The following CFAP54 variants were observed in gnomAD, a reference collection of about 807,000 sequenced individuals.
The protein encoded by CFAP54 is cilia and flagella associated protein 54, also known as cilia- and flagella-associated protein 54.
Under a neutral mutation model 370.4 loss-of-function variants are expected in CFAP54, and 290 were observed. That is an observed-to-expected ratio of 0.78 (90% confidence interval 0.71 to 0.86). The LOEUF (loss-of-function observed/expected upper bound fraction) is 0.86, where lower values mean the gene tolerates loss of function less well. Ranked by LOEUF, CFAP54 falls within the 40% of genes least tolerant of loss-of-function variation. The pLI, the probability that CFAP54 is intolerant of heterozygous loss-of-function variation, is 0.00. For synonymous variants in CFAP54, 1,206 were observed against 1,236.5 expected, an observed-to-expected ratio of 0.98 and a Z score of 0.52; for missense variants, 3,399 against 3,528.7, an observed-to-expected ratio of 0.96 and a Z score of 0.93.
intron 60 of CFAP54, among the ~76,000 whole-genome samples, chr12:96,767,092 A>G (rs1958408558): frequency 6.6e-6 from 1 of 152,220 alleles, no homozygotes; most frequent in South Asian, 2.1e-4. Context: ...ATCCCATCCC[A>G]TTGGCCACAG....
intron 62 of CFAP54, among the ~76,000 whole-genome samples, chr12:96,791,184 C>CTTTT (rs369132463): frequency 7.6e-6 from 1 of 131,426 alleles, no homozygotes; most frequent in Non-Finnish European, 1.6e-5. Context: ...TTGAAGAACG[C>CTTTT]TTTTTTTTTT....
intron 39 of CFAP54, among the ~76,000 whole-genome samples, chr12:96,673,984 T>A (rs763969006): frequency 2.6e-5 from 4 of 152,230 alleles, no homozygotes; most frequent in Admixed American, 6.5e-5. Context: ...TATGGGTGAG[T>A]AACTTGCCTG....
Position 96,644,253 on chromosome 12 carries a change from T to C in CFAP54, c.4392T>C (p.Tyr1464=), listed in dbSNP as rs1327977644. 2.6e-6 allele frequency: 4 copies of C among 1,535,798 alleles called. No homozygotes were observed. In the African/African-American group the frequency reaches 4.1e-5, roughly 16 times the overall value. ...ACTTGAATCCTCTAATATTAAGTTA[T>C]GTTAAAAGAAAGAGGTTCCATCGTC... The part of the protein sequence containing the change: ...MDYLNPLILS[Y]VKRKRFHRLS... Residue 1464 remains tyrosine (Y), a synonymous_variant, in exon 33 of 68, where the codon TAT becomes TAC. Transcript: ENST00000524981.
chr12:96,618,819 A>AC (rs1371009977), intron 26 of CFAP54, among the ~76,000 whole-genome samples: 1 of 151,562 alleles, frequency 6.6e-6, no homozygotes, highest in Non-Finnish European at 1.5e-5. Flanking sequence ...CAGGACCCCC[A>AC]CCCCCTTCTT....
chr12:96,665,947 A>G (rs1957075109), intron 39 of CFAP54, among the ~76,000 whole-genome samples: 1 of 152,200 alleles, frequency 6.6e-6, no homozygotes, highest in African/African-American at 2.4e-5. Flanking sequence ...CTTCCTATCC[A>G]TGAACATGGA....
At chr12:96,640,883 C>T (rs1470294818) in intron 32 of CFAP54, among the ~76,000 whole-genome samples, 1 of 151,926 alleles carries the variant, frequency 6.6e-6, no homozygotes, top group Non-Finnish European at 1.5e-5. Context: ...ATGTAGAAAG[C>T]TGAAACTGGA....
At chr12:96,683,350 A>T (rs770101823) in intron 40 of CFAP54, among the ~76,000 whole-genome samples, 11 of 152,248 alleles carry the variant, frequency 7.2e-5, no homozygotes, top group Non-Finnish European at 1.3e-4. Flanking sequence ...TACTATCAAC[A>T]TGGTTAAGTT....
chr12:96,625,108 A>G (rs1271204862), intron 28 of CFAP54, among the ~76,000 whole-genome samples: 1 of 152,228 alleles, frequency 6.6e-6, no homozygotes, highest in African/African-American at 2.4e-5. Flanking sequence ...ATAGTTTTGT[A>G]CAGTGTTTTC....
intron 63 of CFAP54, among the ~76,000 whole-genome samples, chr12:96,796,689 G>A (rs984818276): frequency 2.6e-5 from 4 of 152,092 alleles, no homozygotes; most frequent in Non-Finnish European, 4.4e-5. Flanking sequence ...TGTTTCTTCT[G>A]AGTCAATTTT....
intron 63 of CFAP54, among the ~76,000 whole-genome samples, chr12:96,807,579 G>C (rs1958895001): frequency 6.6e-6 from 1 of 152,140 alleles, no homozygotes. Context: ...GTGAGTAAGG[G>C]AGCATTGAAA....
intron 46 of CFAP54, among the ~76,000 whole-genome samples, chr12:96,703,054 G>T (rs1260384020): frequency 6.6e-6 from 1 of 151,744 alleles, no homozygotes; most frequent in African/African-American, 2.4e-5. Context: ...TGTATTATGG[G>T]TAATAAAGAA....
chr12:96,634,786 A>G (rs144789553), intron 32 of CFAP54, among the ~76,000 whole-genome samples: 276 of 152,324 alleles, frequency 1.8e-3, no homozygotes, highest in African/African-American at 5.7e-3. Context: ...ATTGAACTTC[A>G]TGTTTTTACC....
intron 37 of CFAP54, 44 bp downstream of exon 37, chr12:96,658,149 GAA>G (rs372079822): frequency 5.9e-5 from 78 of 1,329,684 alleles, no homozygotes; most frequent in Admixed American, 2.3e-4. Flanking sequence ...AGACTTCATT[GAA>G]AAAAAAAAAA....
intron 55 of CFAP54, among the ~76,000 whole-genome samples, chr12:96,749,623 A>G (rs1034015349): frequency 1.3e-5 from 2 of 152,160 alleles, no homozygotes; most frequent in Non-Finnish European, 2.9e-5. Flanking sequence ...GTCATCTATA[A>G]CTTGAACTAC....
chr12:96,788,019 C>T (rs528978902), intron 62 of CFAP54, among the ~76,000 whole-genome samples: 22 of 151,104 alleles, frequency 1.5e-4, no homozygotes, highest in Non-Finnish European at 1.6e-4. Context: ...TGGGTTCAAG[C>T]GATTGTCCTG....
At position 96,757,500 on chromosome 12, in the gene CFAP54, TAA is replaced by T. The variant is rs1958275012; in HGVS notation, c.7953_7954del (p.Ile2651MetfsTer29). 6.4e-7 allele frequency: 1 copy of T among 1,566,206 alleles called. No homozygotes were observed. Among genetic ancestry groups the T allele is most frequent in the Admixed American group, 1.7e-5 (1 of 58,748 alleles). ...ACAGTGCTATATCATTTTAGATTGA[TAA>T]GAGACTCCTACCTAGAAATGGCTCT... is the stretch of plus-strand genomic sequence containing the variant. On this transcript the variant is annotated frameshift_variant, in exon 58 of 68. Coordinates refer to ENST00000524981, the MANE Select transcript of CFAP54 (RefSeq NM_001306084.2). LOFTEE classifies it high-confidence loss of function.
intron 39 of CFAP54, among the ~76,000 whole-genome samples, chr12:96,671,722 G>A (rs1408526047): frequency 6.6e-6 from 1 of 152,182 alleles, no homozygotes; most frequent in Non-Finnish European, 1.5e-5. Context: ...AGAAGTTTGA[G>A]ACCAGCCTGG....
intron 51 of CFAP54, among the ~76,000 whole-genome samples, chr12:96,740,644 G>A (rs1277196013): frequency 6.6e-6 from 1 of 152,124 alleles, no homozygotes; most frequent in African/African-American, 2.4e-5. Context: ...TAATAAAATC[G>A]CTAATATCTA....
chr12:96,543,363 C>T (rs1313507780), intron 14 of CFAP54, among the ~76,000 whole-genome samples: 1 of 152,206 alleles, frequency 6.6e-6, no homozygotes, highest in Non-Finnish European at 1.5e-5. Flanking sequence ...GTTGTGAGTT[C>T]AGGGCCTGTT....
Sources: allele counts gnomAD v4.1 joint callset (sites outside exome capture counted in the v4.1 genomes callset), GRCh38; gene constraint gnomAD v4.1.1; transcripts MANE v1.5; gene names NCBI Gene and HGNC (gene_info 2026-07-23, HGNC 2026-07-21).